Variants in CYP19A1 observed in about 807,000 individuals in gnomAD.
The protein encoded by CYP19A1 is aromatase.
In CYP19A1, 32 loss-of-function variants were observed where a neutral mutation model predicts 44.4. The observed-to-expected ratio is 0.72, with a 90% CI of 0.54 to 0.97. CYP19A1 has a LOEUF of 0.97. Ranked by LOEUF, CYP19A1 falls within the 50% of genes least tolerant of loss-of-function variation. The pLI is 0.00. For synonymous variants in CYP19A1, 212 were observed against 215.6 expected, an observed-to-expected ratio of 0.98 and a Z score of 0.14; for missense variants, 598 against 637.8, an observed-to-expected ratio of 0.94 and a Z score of 0.67.
chr15:51,295,182 A>T (rs936309), intron 1 of CYP19A1, among the ~76,000 whole-genome samples: 43,542 of 149,420 alleles, frequency 0.29, 9,475 homozygotes, highest in African/African-American at 0.61. Flanking sequence ...GACACAAAAT[A>T]TACAATAGAA....
intron 1 of CYP19A1, among the ~76,000 whole-genome samples, chr15:51,294,401 C>T (rs1240965096): frequency 3.8e-4 from 56 of 146,724 alleles, no homozygotes; most frequent in Non-Finnish European, 5.2e-4. Flanking sequence ...TCTGCCCGGC[C>T]GCCCCGTCTG....
intron 8 of CYP19A1, 104 bp downstream of exon 8, chr15:51,214,966 A>T (rs1358180885): frequency 6.6e-7 from 1 of 1,514,654 alleles, no homozygotes; most frequent in Non-Finnish European, 8.9e-7. Context: ...TTTGGAGCAA[A>T]TTATAAAAAA....
intron 1 of CYP19A1, among the ~76,000 whole-genome samples, chr15:51,330,368 A>C (rs1343432341): frequency 6.6e-6 from 1 of 152,212 alleles, no homozygotes; most frequent in Non-Finnish European, 1.5e-5. Flanking sequence ...GAGAAGGGGC[A>C]TAAGAAATGT....
intron 1 of CYP19A1, among the ~76,000 whole-genome samples, chr15:51,322,906 G>T (rs2036549860): frequency 6.6e-6 from 1 of 152,210 alleles, no homozygotes; most frequent in Non-Finnish European, 1.5e-5. Context: ...TGTCTGTAGG[G>T]AACACATCCA....
chr15:51,312,566 G>C (rs1186437935), intron 1 of CYP19A1: 1 of 152,356 alleles, frequency 6.6e-6, no homozygotes, highest in Non-Finnish European at 1.5e-5. Flanking sequence ...CCAAAGTCCT[G>C]GGTAATGCCG....
At chr15:51,303,625 G>GA (rs1187942112) in intron 1 of CYP19A1, among the ~76,000 whole-genome samples, 1 of 151,904 alleles carries the variant, frequency 6.6e-6, no homozygotes, top group African/African-American at 2.4e-5. Flanking sequence ...CTTCTTAGTG[G>GA]AAAAAACTGT....
At position 51,305,376 on chromosome 15, in the gene CYP19A1, G is replaced by A. The variant is rs1267819426; in HGVS notation, c.-39+33119C>T. On this transcript the variant is annotated intron_variant, in intron 1 of 9. Coordinates refer to ENST00000396402, the MANE Select transcript of CYP19A1 (RefSeq NM_000103.4). ...ATGGAGAAAGTGGTCATAACGTTAT[G>A]ATTGTCTCAAAACTAAATGCAGATA... Among the ~76,000 whole-genome samples the A allele has an allele frequency of 2.6e-5, 4 of 152,152 alleles. No individual in the cohort carries two copies. In the East Asian group the frequency reaches 7.7e-4, roughly 29 times the overall value.
chr15:51,288,633 C>T (rs2035767148), intron 1 of CYP19A1, among the ~76,000 whole-genome samples: 1 of 152,238 alleles, frequency 6.6e-6, no homozygotes, highest in Non-Finnish European at 1.5e-5. Flanking sequence ...ACTCACTCTC[C>T]CATCCTTGCT....
intron 1 of CYP19A1, among the ~76,000 whole-genome samples, chr15:51,247,002 C>G (rs2034088115): frequency 6.6e-6 from 1 of 152,186 alleles, no homozygotes; most frequent in Non-Finnish European, 1.5e-5. Context: ...GACACGTGAC[C>G]TTACTACTGC....
intron 4 of CYP19A1, 102 bp downstream of exon 4, chr15:51,227,677 A>AATAAATAAATAAATAC: frequency 3.1e-6 from 1 of 318,532 alleles, no homozygotes; most frequent in East Asian, 7.4e-5. Flanking sequence ...TGTCTCAATA[A>AATAAATAAATAAATAC]ATAAATAAAT....
chr15:51,293,529 G>C (rs1187620046), intron 1 of CYP19A1: 1 of 152,308 alleles, frequency 6.6e-6, no homozygotes, highest in Non-Finnish European at 1.5e-5. Context: ...AAGAATGCCT[G>C]ATACGCTCTC....
chr15:51,252,545 CAGTG>C (rs1372449389), intron 1 of CYP19A1, among the ~76,000 whole-genome samples: 5 of 152,188 alleles, frequency 3.3e-5, no homozygotes, highest in Admixed American at 6.5e-5. Flanking sequence ...TCCACAGAAT[CAGTG>C]AGAAACGTTT....
intron 3 of CYP19A1, among the ~76,000 whole-genome samples, chr15:51,228,226 A>G (rs369622599): frequency 6.6e-6 from 1 of 152,090 alleles, no homozygotes; most frequent in East Asian, 1.9e-4. Context: ...TCACCAAAAT[A>G]CTACCCACTA....
At chr15:51,261,072 G>A (rs1445792970) in intron 1 of CYP19A1, among the ~76,000 whole-genome samples, 4 of 152,164 alleles carry the variant, frequency 2.6e-5, no homozygotes, top group East Asian at 1.9e-4. Flanking sequence ...GGTGCCCATC[G>A]CCACTCCCGA....
At chr15:51,313,655 G>A (rs1303205403) in intron 1 of CYP19A1, among the ~76,000 whole-genome samples, 1 of 152,042 alleles carries the variant, frequency 6.6e-6, no homozygotes, top group African/African-American at 2.4e-5. Flanking sequence ...AAATTAGCTG[G>A]GCATGGTGGC....
Position 51,210,376 on chromosome 15 carries a change from G to T in CYP19A1, c.*432C>A. ...TAATTCACACTAGCAGGTGGGTTTG[G>T]CCCCAGGTACCCTGACATTGGCCTG... On this transcript the variant is annotated 3_prime_UTR_variant, in exon 10 of 10. Transcript: ENST00000396402. 2.0e-6 allele frequency: 1 copy of T among 498,856 alleles called. No homozygotes were observed. The highest frequency in any genetic ancestry group is 4.0e-6 in the Non-Finnish European group (1 of 252,868). The allele number at this position is 498,856 out of a possible 1,614,324, so 30.9% of individuals were successfully genotyped here. A position where few individuals can be genotyped will look rare whatever the true frequency, so the allele number is the denominator to read the frequency against.
intron 1 of CYP19A1, among the ~76,000 whole-genome samples, chr15:51,297,098 A>G (rs2036010509): frequency 1.3e-5 from 2 of 152,218 alleles, no homozygotes; most frequent in African/African-American, 4.8e-5. Context: ...AGAGACACCA[A>G]TGAACAGGTT....
intron 4 of CYP19A1, among the ~76,000 whole-genome samples, chr15:51,224,860 A>G (rs1160809801): frequency 6.6e-6 from 1 of 152,214 alleles, no homozygotes; most frequent in Non-Finnish European, 1.5e-5. Context: ...ACCAGGCACA[A>G]GGACTTACCG....
At chr15:51,332,010 C>T (rs1443733554) in intron 1 of CYP19A1, among the ~76,000 whole-genome samples, 1 of 151,868 alleles carries the variant, frequency 6.6e-6, no homozygotes, top group African/African-American at 2.4e-5. Context: ...TTTACCAAAT[C>T]TAATAGTCTC....
Sources: allele counts gnomAD v4.1 joint callset (sites outside exome capture counted in the v4.1 genomes callset), GRCh38; gene constraint gnomAD v4.1.1; transcripts MANE v1.5; gene names NCBI Gene and HGNC (gene_info 2026-07-23, HGNC 2026-07-21).